Variants in ADHFE1 observed in about 807,000 individuals in gnomAD.
ADHFE1 encodes the protein alcohol dehydrogenase iron containing 1, also known as hydroxyacid-oxoacid transhydrogenase, mitochondrial.
ADHFE1 carries 37 observed loss-of-function variants against 54.8 expected under a neutral mutation model. That is an observed-to-expected ratio of 0.68 (90% CI 0.52 to 0.89). The LOEUF (loss-of-function observed/expected upper bound fraction) is 0.89, where lower values mean the gene tolerates loss of function less well. ADHFE1 is among the 40% of genes least tolerant of loss of function. The pLI is 0.00. For missense variants in ADHFE1, 601 were observed against 591.2 expected, an observed-to-expected ratio of 1.02 and a Z score of -0.17; for synonymous variants, 203 against 229.3, an observed-to-expected ratio of 0.89 and a Z score of 1.04.
At chr8:66,460,210 C>T (rs1233812522) in intron 12 of ADHFE1, 98 bp from the exon 13 acceptor site, 5 of 1,472,294 alleles carry the variant, frequency 3.4e-6, no homozygotes, top group South Asian at 1.2e-5. Flanking sequence ...AGGGAGACCC[C>T]GTGGGTGTGC....
At chr8:66,448,831 G>C in intron 7 of ADHFE1, 34 bp from the exon 8 acceptor site, 1 of 1,569,518 alleles carries the variant, frequency 6.4e-7, no homozygotes, top group South Asian at 1.1e-5. Context: ...GATGCCCATG[G>C]CTTTAGCCTC....
At chr8:66,453,598 A>G in intron 9 of ADHFE1, 1 of 837,268 alleles carries the variant, frequency 1.2e-6, no homozygotes, top group East Asian at 5.3e-5. Context: ...TGCAGCAACC[A>G]CAGATATAAA....
At chr8:66,454,500 A>G (rs905275779) in intron 10 of ADHFE1, among the ~76,000 whole-genome samples, 3 of 152,248 alleles carry the variant, frequency 2.0e-5, no homozygotes, top group Middle Eastern at 3.4e-3. Flanking sequence ...TTTTAATAAC[A>G]TATTTTTAAG....
chr8:66,450,499 C>G (rs1306540962), intron 8 of ADHFE1, among the ~76,000 whole-genome samples: 1 of 152,230 alleles, frequency 6.6e-6, no homozygotes, highest in Non-Finnish European at 1.5e-5. Context: ...AGGTAACTCC[C>G]CTCATTAGGA....
intron 8 of ADHFE1, 141 bp from the exon 9 acceptor site, chr8:66,451,812 A>C: frequency 1.1e-6 from 1 of 901,356 alleles, no homozygotes. Context: ...GGGCTGGTAG[A>C]ATGTACTGTG....
At chr8:66,442,557 C>T (rs2555564) in intron 2 of ADHFE1, among the ~76,000 whole-genome samples, 24,988 of 152,022 alleles carry the variant, frequency 0.16, 2,218 homozygotes, top group Middle Eastern at 0.2. Flanking sequence ...GTGATCCACC[C>T]GCCTCAGCCT....
At chr8:66,440,292 G>GCGGCCGGGCGCGGTGGCT in intron 2 of ADHFE1, 93 bp downstream of exon 2, 1 of 1,146,632 alleles carries the variant, frequency 8.7e-7, no homozygotes, top group Non-Finnish European at 1.3e-6. Flanking sequence ...GAAAACCAAG[G>GCGGCCGGGCGCGGTGGCT]CATGTGAGAG....
At chr8:66,454,275 C>T in intron 10 of ADHFE1, 118 bp downstream of exon 10, 1 of 948,246 alleles carries the variant, frequency 1.1e-6, no homozygotes, top group Non-Finnish European at 1.6e-6. Context: ...AGAAATTTAA[C>T]TTTATGTTCC....
At position 66,460,310 on chromosome 8, in the gene ADHFE1, G is replaced by A; in HGVS notation, c.1165G>A (p.Ala389Thr). The A allele has an allele frequency of 6.2e-7, 1 of 1,614,038 alleles. No individual in the cohort carries two copies. The highest frequency in any genetic ancestry group is 8.5e-7 in the Non-Finnish European group (1 of 1,180,008). ...AGTCAGCACTTTATGTCTTCTAGGA[G>A]CCGACACCCGCACTGCCAGGATCCA... ...RHLEMAEILG[A>T]DTRTARIQDA... Residue 389 changes from alanine (A) to threonine (T), a missense_variant and splice_region_variant, in exon 13 of 14, where the codon GCC (alanine) becomes ACC (threonine). By Grantham distance (58) the Ala-to-Thr change is moderately conservative. Transcript: ENST00000396623.
At chr8:66,442,768 C>A in intron 2 of ADHFE1, 30 bp from the exon 3 acceptor site, 1 of 1,580,338 alleles carries the variant, frequency 6.3e-7, no homozygotes, top group African/African-American at 1.4e-5. Flanking sequence ...TTTTAAAGAC[C>A]CACTTTGATG....
Position 66,440,187 on chromosome 8 carries a change from A to T in ADHFE1, c.85A>T (p.Thr29Ser), listed in dbSNP as rs1805675674. 2 of 1,612,374 alleles carry T rather than the reference A, an allele frequency of 1.2e-6. No individual in the cohort carries two copies. The highest frequency in any genetic ancestry group is 1.7e-6 in the Non-Finnish European group (2 of 1,179,634). Residue 29 changes from threonine (T) to serine (S), a missense_variant, in exon 2 of 14, where the codon ACT becomes TCT. Physicochemically the swap from Thr to Ser is moderately conservative, Grantham distance 58. Coordinates refer to ENST00000396623, the MANE Select transcript of ADHFE1 (RefSeq NM_144650.3). Reference protein sequence around the residue: ...AACQCPTHSHTYSQAPGLSPS... With the variant: ...AACQCPTHSHSYSQAPGLSPS... ...GTGCCAGTGCCCAACTCATTCTCAT[A>T]CTTACTCCCAAGGTAATACTTCTGT...
chr8:66,453,519 G>T (rs1416036715), intron 9 of ADHFE1, among the ~76,000 whole-genome samples: 1 of 152,126 alleles, frequency 6.6e-6, no homozygotes, highest in African/African-American at 2.4e-5. Flanking sequence ...GTGGCACTGG[G>T]GACACCCAGA....
rs200118083 is a variant in ADHFE1 at position 66,459,432 on chromosome 8, T to TATATA, written c.1163-876_1163-875insATATA. The TATATA allele has an allele frequency of 2.8e-3, 231 of 81,662 alleles. 2 individuals are homozygous for TATATA. The highest frequency in any genetic ancestry group is 9.1e-3 in the African/African-American group (184 of 20,238). 5.1% of individuals were successfully genotyped at this position (81,662 alleles called of 1,614,324 possible). A position where few individuals can be genotyped will look rare whatever the true frequency, so the allele number is the denominator to read the frequency against. On this transcript the variant is annotated intron_variant, in intron 12 of 13. Transcript: ENST00000396623. ...TTATTATATATATATATATATATAT[T>TATATA]TTTTTTTTTTTTTTAACAGAGACAG...
Position 66,448,896 on chromosome 8 carries a change from G to T in ADHFE1, c.660G>T (p.Leu220=). 6.2e-7 allele frequency: 1 copy of T among 1,614,106 alleles called. No homozygotes were observed. The part of the protein sequence containing the change: ...GITSRAIKPT[L]GLIDPLHTLH... ...CTTCGAGAGCCATCAAACCCACACT[G>T]GGACTGATTGATCCTCTGCACACCC... The change falls in exon 8 of 14, where the codon CTG becomes CTT. Residue 220 remains leucine (L), a synonymous_variant. Coordinates refer to ENST00000396623, the MANE Select transcript of ADHFE1 (RefSeq NM_144650.3).
In ADHFE1 at chr8:66,445,334, A is replaced by C; in HGVS notation, c.470A>C (p.His157Pro). ...GCTAATCTGTATGCATCCAGCCCTCATTCTGATTTCCTAGATTATGTCAGT... is the reference window on the plus strand; with the variant it reads ...GCTAATCTGTATGCATCCAGCCCTCCTTCTGATTTCCTAGATTATGTCAGT... ...KAANLYASSP[H>P]SDFLDYVSAP... The change falls in exon 6 of 14, where the codon CAT (histidine) becomes CCT (proline). Residue 157 changes from histidine to proline, a missense_variant. His to Pro is a moderately conservative substitution (Grantham distance 77, BLOSUM62 -2). Transcript: ENST00000396623. The C allele has an allele frequency of 6.2e-7, 1 of 1,614,058 alleles. No individual in the cohort carries two copies. The highest frequency in any genetic ancestry group is 1.7e-4 in the Middle Eastern group (1 of 6,058).
chr8:66,436,265 A>G (rs1471788715), intron 1 of ADHFE1, among the ~76,000 whole-genome samples: 3 of 152,222 alleles, frequency 2.0e-5, no homozygotes, highest in Admixed American at 2.0e-4. Flanking sequence ...GTAGGGTAAC[A>G]TTCACAGATT....
intron 6 of ADHFE1, 111 bp from the exon 7 acceptor site, chr8:66,447,153 G>A: frequency 1.3e-6 from 1 of 773,066 alleles, no homozygotes; most frequent in Admixed American, 2.6e-5. Flanking sequence ...AAACAAGAGG[G>A]TCAGCAAAGT....
At chr8:66,433,197 A>C (rs1347925045) in intron 1 of ADHFE1, among the ~76,000 whole-genome samples, 1 of 152,186 alleles carries the variant, frequency 6.6e-6, no homozygotes, top group Non-Finnish European at 1.5e-5. Flanking sequence ...TGACTGTGCA[A>C]GTGCACAAGT....
At chr8:66,454,888 A>G (rs1470260531) in intron 10 of ADHFE1, among the ~76,000 whole-genome samples, 1 of 151,520 alleles carries the variant, frequency 6.6e-6, no homozygotes, top group Non-Finnish European at 1.5e-5. Context: ...TAATTTTTTT[A>G]TATTTCTTAA....
Sources: gnomAD v4.1 joint callset for allele counts (sites outside exome capture counted in the v4.1 genomes callset) on GRCh38, gnomAD v4.1.1 for gene constraint, MANE v1.5 for transcripts, NCBI Gene and HGNC (gene_info 2026-07-23, HGNC 2026-07-21) for gene names.